Variants in PLCB1 observed in about 807,000 individuals in gnomAD.
The protein encoded by PLCB1 is 1-phosphatidylinositol 4,5-bisphosphate phosphodiesterase beta-1.
A neutral mutation model predicts 161.8 loss-of-function variants in PLCB1; 46 were observed. The observed-to-expected ratio is 0.28, with a 90% CI of 0.22 to 0.36. PLCB1 has a LOEUF of 0.36. Ranked by LOEUF, PLCB1 falls within the 10% of genes least tolerant of loss-of-function variation. PLCB1 has a pLI of 1.00. For missense variants in PLCB1, 1,016 were observed against 1,472.5 expected, an observed-to-expected ratio of 0.69 and a Z score of 5.07; for synonymous variants, 517 against 503.7, an observed-to-expected ratio of 1.03 and a Z score of -0.35.
At chr20:8,439,430 T>G (rs571451966) in intron 3 of PLCB1, among the ~76,000 whole-genome samples, 1 of 152,126 alleles carries the variant, frequency 6.6e-6, no homozygotes, top group Admixed American at 6.6e-5. Context: ...ACAGGTAACA[T>G]AAACTGTTAC....
intron 2 of PLCB1, among the ~76,000 whole-genome samples, chr20:8,358,254 C>A (rs1347686234): frequency 6.6e-6 from 1 of 152,054 alleles, no homozygotes; most frequent in Non-Finnish European, 1.5e-5. Context: ...CCTGCCCCAA[C>A]TTTTTTGTTT....
intron 3 of PLCB1, among the ~76,000 whole-genome samples, chr20:8,537,929 T>C (rs1444949139): frequency 6.6e-6 from 1 of 152,238 alleles, no homozygotes; most frequent in Non-Finnish European, 1.5e-5. Context: ...CTAAAAAGAC[T>C]ACCTTTGCAT....
chr20:8,807,532 C>CT (rs746801976), intron 31 of PLCB1, among the ~76,000 whole-genome samples: 7 of 150,838 alleles, frequency 4.6e-5, no homozygotes, highest in Admixed American at 4.0e-4. Flanking sequence ...ACCGTGAATG[C>CT]TTTAAGTAGC....
rs2076690 is a variant in PLCB1, at chr20:8,716,075, C to T, written c.1251-189C>T. ...GAACCACCTCACACATCAGTGCCTTCGCTGTCCATCTGTGTATGTTATTCA... is the reference window on the plus strand; with the variant it reads ...GAACCACCTCACACATCAGTGCCTTTGCTGTCCATCTGTGTATGTTATTCA... On this transcript the variant is annotated intron_variant, in intron 12 of 31. Transcript: ENST00000338037. The T allele has an allele frequency of 0.2, 113,385 of 580,390 alleles. 12,262 individuals are homozygous for T. Among genetic ancestry groups the T allele is most frequent in the East Asian group, 0.36 (12,529 of 35,012 alleles). The allele number at this position is 580,390 out of a possible 1,614,324, so 36.0% of individuals were successfully genotyped here. A position where few individuals can be genotyped will look rare whatever the true frequency, so the allele number is the denominator to read the frequency against.
chr20:8,785,433 G>A (rs1008401467), intron 27 of PLCB1, among the ~76,000 whole-genome samples: 2 of 152,180 alleles, frequency 1.3e-5, no homozygotes, highest in Non-Finnish European at 2.9e-5. Flanking sequence ...CATCAGCTCA[G>A]AGTTTCTAGA....
At chr20:8,870,469 A>T (rs1987572754) in intron 31 of PLCB1, among the ~76,000 whole-genome samples, 1 of 152,216 alleles carries the variant, frequency 6.6e-6, no homozygotes. Context: ...GGACTATGTT[A>T]GGAGTTTTCC....
intron 3 of PLCB1, among the ~76,000 whole-genome samples, chr20:8,407,571 G>T (rs1428741263): frequency 2.0e-5 from 3 of 152,172 alleles, no homozygotes; most frequent in Non-Finnish European, 2.9e-5. Flanking sequence ...GATCTCTTAA[G>T]ACTTATTCGC....
intron 2 of PLCB1, among the ~76,000 whole-genome samples, chr20:8,168,233 G>C (rs1279722197): frequency 2.6e-5 from 4 of 152,290 alleles, no homozygotes; most frequent in Non-Finnish European, 5.9e-5. Flanking sequence ...ACTGCAAAGA[G>C]GCATGGTTAC....
chr20:8,591,433 A>G lies in PLCB1; in HGVS notation c.247-36861A>G, dbSNP rs139982280. Among the ~76,000 whole-genome samples the G allele has an allele frequency of 9.8e-3, 1,493 of 152,320 alleles. 26 individuals carry two copies. Among genetic ancestry groups the G allele is most frequent in the African/African-American group, 0.032 (1,321 of 41,574 alleles). On this transcript the variant is annotated intron_variant, in intron 3 of 31. Transcript: ENST00000338037. The stretch of plus-strand genomic sequence containing the variant: ...TGTCCTGCAACACTAAAGAACATAA[A>G]GAATCAAAGAGCTTTATTTTTCATC...
intron 9 of PLCB1, among the ~76,000 whole-genome samples, chr20:8,661,625 C>T (rs191580839): frequency 5.9e-5 from 9 of 152,050 alleles, no homozygotes; most frequent in African/African-American, 9.6e-5. Flanking sequence ...TACACAAAAA[C>T]GGACTCATGA....
chr20:8,421,208 G>C (rs1979524600), intron 3 of PLCB1, among the ~76,000 whole-genome samples: 1 of 152,152 alleles, frequency 6.6e-6, no homozygotes, highest in Non-Finnish European at 1.5e-5. Flanking sequence ...ACAAAGTTTT[G>C]TATGTACCCA....
chr20:8,427,652 G>A (rs984938803), intron 3 of PLCB1, among the ~76,000 whole-genome samples: 1 of 152,144 alleles, frequency 6.6e-6, no homozygotes, highest in African/African-American at 2.4e-5. Context: ...TTCTGGGCTG[G>A]GATTTTTAAA....
chr20:8,361,596 C>T (rs941627033), intron 2 of PLCB1, among the ~76,000 whole-genome samples: 2 of 152,032 alleles, frequency 1.3e-5, no homozygotes, highest in Non-Finnish European at 2.9e-5. Context: ...ACTTGGAGAA[C>T]CACTGGTGTG....
At chr20:8,514,430 G>C (rs907097546) in intron 3 of PLCB1, among the ~76,000 whole-genome samples, 22 of 143,614 alleles carry the variant, frequency 1.5e-4, no homozygotes, top group African/African-American at 5.7e-4. Flanking sequence ...GGGCAACAGA[G>C]CGAGACTCCA....
intron 2 of PLCB1, among the ~76,000 whole-genome samples, chr20:8,328,309 G>A (rs1985234940): frequency 6.6e-6 from 1 of 151,860 alleles, no homozygotes; most frequent in South Asian, 2.1e-4. Context: ...CTTGCTGAAT[G>A]CCTTTATCAT....
At chr20:8,532,951 G>C (rs1045695822) in intron 3 of PLCB1, among the ~76,000 whole-genome samples, 1 of 151,802 alleles carries the variant, frequency 6.6e-6, no homozygotes, top group Non-Finnish European at 1.5e-5. Flanking sequence ...CCATGCTGGT[G>C]TGCTGCACCC....
intron 26 of PLCB1, among the ~76,000 whole-genome samples, chr20:8,768,676 G>A (rs1982505627): frequency 6.6e-6 from 1 of 152,154 alleles, no homozygotes; most frequent in Non-Finnish European, 1.5e-5. Flanking sequence ...CCTGGCCAGG[G>A]GCACATGCAA....
At chr20:8,400,980 ATAAAT>A (rs1372812886) in intron 3 of PLCB1, among the ~76,000 whole-genome samples, 2 of 152,236 alleles carry the variant, frequency 1.3e-5, no homozygotes, top group Admixed American at 6.5e-5. Context: ...AAGAGATTAT[ATAAAT>A]TAATCAATTA....
rs573372952 is a variant in PLCB1, at chr20:8,159,383, C to T, written c.177+9012C>T. 2.2e-4 allele frequency among the ~76,000 whole-genome samples: 33 copies of T among 152,198 alleles called. 1 individual carries two copies. Among genetic ancestry groups the T allele is most frequent in the Middle Eastern group, 3.4e-3 (1 of 294 alleles). ...CCCTAGGCTACACACAGCACAGGGA[C>T]CCTTGTTCCAACCCACAAAACCATT... is the stretch of plus-strand genomic sequence containing the variant. On this transcript the variant is annotated intron_variant, in intron 2 of 31. Transcript: ENST00000338037.
Sources: allele counts gnomAD v4.1 joint callset (sites outside exome capture counted in the v4.1 genomes callset), GRCh38; gene constraint gnomAD v4.1.1; transcripts MANE v1.5; gene names NCBI Gene and HGNC (gene_info 2026-07-23, HGNC 2026-07-21).